The following DPP8 variants were observed in gnomAD, a reference collection of about 807,000 sequenced individuals.
DPP8 encodes the protein dipeptidyl peptidase 8, also known as DPP VIII.
DPP8 carries 31 observed loss-of-function variants against 107.5 expected under a neutral mutation model. The observed-to-expected ratio is 0.29, with a 90% CI of 0.22 to 0.39. The LOEUF is 0.39. Ranked by LOEUF, DPP8 falls within the 10% of genes least tolerant of loss-of-function variation. DPP8 has a pLI of 1.00. For missense variants in DPP8, 842 were observed against 1,076.1 expected (o/e 0.78, Z 3.04); for synonymous variants, 381 against 356.6 (o/e 1.07, Z -0.77).
chr15:65,469,227 G>A (rs4492994), intron 12 of DPP8, among the ~76,000 whole-genome samples: 31,034 of 151,074 alleles, frequency 0.21, 4,152 homozygotes, highest in East Asian at 0.73. Flanking sequence ...CGCCTGCCTC[G>A]GCCTCCCAAA....
At chr15:65,447,283 T>C (rs139346656) in intron 19 of DPP8, among the ~76,000 whole-genome samples, 39 of 152,284 alleles carry the variant, frequency 2.6e-4, no homozygotes, top group African/African-American at 8.7e-4. Flanking sequence ...TTTCAAGGGA[T>C]AGACACGGTC....
At chr15:65,472,007 A>G (rs1308881825) in intron 12 of DPP8, among the ~76,000 whole-genome samples, 1 of 152,194 alleles carries the variant, frequency 6.6e-6, no homozygotes, top group Non-Finnish European at 1.5e-5. Context: ...TACAGGATGG[A>G]GTTCCTAGAG....
At position 65,497,983 on chromosome 15, in the gene DPP8, C is replaced by A; in HGVS notation, c.596G>T (p.Arg199Leu). 1 of 1,610,212 alleles carries A rather than the reference C, an allele frequency of 6.2e-7. No individual in the cohort carries two copies. Among genetic ancestry groups the A allele is most frequent in the East Asian group, 2.2e-5 (1 of 44,818 alleles). ...NLVETSCPNI[R>L]MDPKLCPADP... ...AGCAGGGCATAATTTTGGATCCATC[C>A]GTATGTTGGGACAACTAGTTTCCAC... Residue 199 changes from arginine (R) to leucine (L), a missense_variant, in exon 5 of 20, where the codon CGG becomes CTG. Arg to Leu is a moderately radical substitution (Grantham distance 102, BLOSUM62 -2). Coordinates refer to ENST00000300141, the MANE Select transcript of DPP8 (RefSeq NM_130434.5).
chr15:65,474,407 GT>G (rs919031583), intron 11 of DPP8, 119 bp from the exon 12 acceptor site: 7 of 693,344 alleles, frequency 1.0e-5, no homozygotes, highest in African/African-American at 1.8e-5. Context: ...TAATAAAAAT[GT>G]TTTGGAACTA....
intron 1 of DPP8, 126 bp from the exon 2 acceptor site, chr15:65,512,690 C>A (rs1219901776): frequency 1.1e-6 from 1 of 886,922 alleles, no homozygotes; most frequent in Admixed American, 2.6e-5. Flanking sequence ...TTTAGCACAG[C>A]TGCAATGAAA....
chr15:65,474,232 C>T lies in DPP8; in HGVS notation c.1513G>A (p.Val505Ile). The T allele has an allele frequency of 6.2e-7, 1 of 1,612,640 alleles. No homozygotes were observed. The highest frequency in any genetic ancestry group is 8.5e-7 in the Non-Finnish European group (1 of 1,178,690). The part of the protein sequence containing the change: ...EIAITSGEWE[V>I]LGRHGSNIQV... ...ACATTAGATCCATGCCGGCCAAGAACTTCCCATTCACCACTGGTAATTGCT... is the reference window on the plus strand; with the variant it reads ...ACATTAGATCCATGCCGGCCAAGAATTTCCCATTCACCACTGGTAATTGCT... The change falls in exon 12 of 20, where the codon GTT becomes ATT. Residue 505 changes from valine to isoleucine, a missense_variant. Val to Ile is a conservative substitution (Grantham distance 29, BLOSUM62 3). Transcript: ENST00000300141.
At chr15:65,473,285 A>C (rs1417297525) in intron 12 of DPP8, among the ~76,000 whole-genome samples, 2 of 150,998 alleles carry the variant, frequency 1.3e-5, no homozygotes, top group Non-Finnish European at 2.9e-5. Context: ...AGATCATGCC[A>C]CTGCACTCCA....
In DPP8 at chr15:65,475,365, AG is replaced by A. The variant is rs1351629187; in HGVS notation, c.1457-1078del. On this transcript the variant is annotated intron_variant, in intron 11 of 19. Coordinates refer to ENST00000300141, the MANE Select transcript of DPP8 (RefSeq NM_130434.5). The stretch of plus-strand genomic sequence containing the variant: ...TTTATCTTCTGAGTGTGGGCTTTGG[AG>A]GAACAGGAGAACTGGCTCTTGGCCA... The A allele has an allele frequency of 7.9e-6, 11 of 1,398,202 alleles. No homozygotes were observed. In the African/African-American group the frequency reaches 1.3e-4, roughly 16 times the overall value. 86.6% of individuals were successfully genotyped at this position (1,398,202 alleles called of 1,614,324 possible).
In DPP8 at chr15:65,490,275, G is replaced by A. The variant is rs746272865; in HGVS notation, c.740C>T (p.Ala247Val). 2.4e-5 allele frequency: 38 copies of A among 1,612,338 alleles called. No homozygotes were observed. The highest frequency in any genetic ancestry group is 3.1e-5 in the Non-Finnish European group (37 of 1,178,530). The stretch of plus-strand genomic sequence containing the variant: ...AAAGGTAGCGACTCCAGCTGATCTG[G>A]CATCTTCTTCCATGTTGGCTAGCTC... Reference protein sequence around the residue: ...HNELANMEEDARSAGVATFVL... With the variant: ...HNELANMEEDVRSAGVATFVL... The change falls in exon 6 of 20, where the codon GCC becomes GTC. Residue 247 changes from alanine to valine, a missense_variant. This residue lies in a region of DPP8 where 663 missense variants were observed against 758.0 expected (regional missense o/e 0.87). Transcript: ENST00000300141.
At chr15:65,503,991 G>A (rs1200264990) in intron 3 of DPP8, among the ~76,000 whole-genome samples, 1 of 151,788 alleles carries the variant, frequency 6.6e-6, no homozygotes, top group Non-Finnish European at 1.5e-5. Context: ...CGAACTCCTG[G>A]CCTCAAGTGA....
chr15:65,464,031 T>C (rs1276331384), intron 14 of DPP8, 125 bp from the exon 15 acceptor site: 2 of 679,256 alleles, frequency 2.9e-6, no homozygotes, highest in African/African-American at 1.9e-5. Context: ...CTCTTTCAGA[T>C]GATAAGCTAG....
intron 3 of DPP8, among the ~76,000 whole-genome samples, chr15:65,501,929 G>A (rs2069283451): frequency 6.6e-6 from 1 of 152,072 alleles, no homozygotes; most frequent in African/African-American, 2.4e-5. Context: ...TCACTCTGTT[G>A]CCCAGGCTGG....
At position 65,460,429 on chromosome 15, in the gene DPP8, C is replaced by A. The variant is rs559435408; in HGVS notation, c.1971+3332G>T. ...CTGCATTATAGCCTGGAAGACAGAG[C>A]GAGACTGTCTCAAAAACAAAGAATC... On this transcript the variant is annotated intron_variant, in intron 15 of 19. Coordinates refer to ENST00000300141, the MANE Select transcript of DPP8 (RefSeq NM_130434.5). Among the ~76,000 whole-genome samples, 3 of 151,850 alleles carry A rather than the reference C, an allele frequency of 2.0e-5. No individual in the cohort carries two copies. In the East Asian group the frequency reaches 5.9e-4, roughly 30 times the overall value.
chr15:65,477,081 T>C (rs1224862650), intron 11 of DPP8, among the ~76,000 whole-genome samples: 4 of 152,078 alleles, frequency 2.6e-5, no homozygotes, highest in African/African-American at 9.7e-5. Flanking sequence ...TTTTGGAAGA[T>C]GAAAAAAATT....
chr15:65,511,124 T>C (rs1000271685), intron 2 of DPP8, among the ~76,000 whole-genome samples: 4 of 152,192 alleles, frequency 2.6e-5, no homozygotes, highest in African/African-American at 9.7e-5. Context: ...GTTCTACAGA[T>C]ATATTCATAC....
chr15:65,497,184 C>G (rs576859724), intron 5 of DPP8, among the ~76,000 whole-genome samples: 4 of 152,334 alleles, frequency 2.6e-5, no homozygotes, highest in African/African-American at 9.6e-5. Flanking sequence ...AGCCACCACG[C>G]CCGGCCTCAA....
intron 3 of DPP8, 92 bp from the exon 4 acceptor site, chr15:65,500,871 CTCTTT>C: frequency 1.8e-6 from 1 of 544,868 alleles, no homozygotes; most frequent in Non-Finnish European, 3.0e-6. Context: ...ACATTATTGA[CTCTTT>C]TTTTTTTTTT....
At chr15:65,498,801 A>G (rs1033053549) in intron 4 of DPP8, among the ~76,000 whole-genome samples, 1 of 152,144 alleles carries the variant, frequency 6.6e-6, no homozygotes, top group African/African-American at 2.4e-5. Flanking sequence ...AAAACCAAAC[A>G]TAAGCCACTT....
At chr15:65,477,696 A>C (rs1412642430) in intron 11 of DPP8, among the ~76,000 whole-genome samples, 1 of 149,956 alleles carries the variant, frequency 6.7e-6, no homozygotes, top group Non-Finnish European at 1.5e-5. Flanking sequence ...CGCCCGGCTA[A>C]TTTTTTTTTG....
Sources: allele counts gnomAD v4.1 joint callset (sites outside exome capture counted in the v4.1 genomes callset), GRCh38; gene constraint gnomAD v4.1.1; regional missense constraint gnomAD v4.1.1; transcripts MANE v1.5; gene names NCBI Gene and HGNC (gene_info 2026-07-23, HGNC 2026-07-21).